Variants in CLIC5 observed in about 807,000 individuals in gnomAD.
The protein encoded by CLIC5 is CLIC family member 5.
CLIC5 carries 20 observed loss-of-function variants against 24.7 expected under a neutral mutation model. The ratio of observed to expected loss-of-function variants is 0.81; its 90% CI spans 0.57 to 1.18. CLIC5 has a LOEUF of 1.18. Among genes scored for constraint, CLIC5 ranks in the 50% most tolerant of loss-of-function variants. CLIC5 has a pLI of 0.00. For missense variants in CLIC5, 341 were observed against 326.1 expected (o/e 1.05, Z -0.35); for synonymous variants, 159 against 135.6 (o/e 1.17, Z -1.20).
upstream of CLIC5, among the ~76,000 whole-genome samples, chr6:46,084,567 A>C (rs1762990302): frequency 6.6e-6 from 1 of 152,176 alleles, no homozygotes; most frequent in Non-Finnish European, 1.5e-5. Context: ...TTCTGGGTTG[A>C]AAATTCTTTC....
rs373673759 is a variant in CLIC5 at position 45,926,179 on chromosome 6, A to G, written c.407-11770T>C. Among the ~76,000 whole-genome samples, 20 of 151,616 alleles carry G rather than the reference A, an allele frequency of 1.3e-4. No homozygotes were observed. In the East Asian group the frequency reaches 3.5e-3, roughly 26 times the overall value. On this transcript the variant is annotated intron_variant, in intron 4 of 5. Coordinates refer to ENST00000339561, the MANE Select transcript of CLIC5 (RefSeq NM_016929.5). ...TAGACACTAGCACAGAGAAACATAT[A>G]TACACACACACACATACACACACAC...
intron 1 of CLIC5, among the ~76,000 whole-genome samples, chr6:45,999,474 T>C (rs1766269252): frequency 1.3e-5 from 2 of 152,178 alleles, no homozygotes; most frequent in South Asian, 4.1e-4. Flanking sequence ...ATAAAATTTA[T>C]ATGTGTATCC....
At chr6:45,943,889 G>A (rs1390752324) in intron 3 of CLIC5, among the ~76,000 whole-genome samples, 2 of 152,118 alleles carry the variant, frequency 1.3e-5, no homozygotes, top group Non-Finnish European at 2.9e-5. Flanking sequence ...TGGGAAGTGC[G>A]TCTCTAAGAT....
chr6:45,931,862 T>C (rs1763749182), intron 4 of CLIC5, among the ~76,000 whole-genome samples: 2 of 152,204 alleles, frequency 1.3e-5, no homozygotes, highest in Non-Finnish European at 2.9e-5. Context: ...GGTTTTGCCA[T>C]TTGGCCAGGC....
rs115393538 is a variant in CLIC5 at position 45,889,626 on chromosome 6, G to A, written c.624-8438C>T. The stretch of plus-strand genomic sequence containing the variant: ...AAGTCTTAATTTAGATAGGGTGAAG[G>A]AAGTATGATGATCAGGGACAAGGAA... On this transcript the variant is annotated intron_variant, in intron 6 of 6. Coordinates refer to the CLIC5 transcript ENST00000644324. Among the ~76,000 whole-genome samples, 621 of 152,284 alleles carry A rather than the reference G, an allele frequency of 4.1e-3. 5 individuals carry two copies. The highest frequency in any genetic ancestry group is 0.014 in the African/African-American group (582 of 41,546).
chr6:45,951,448 G>A (rs1764465101), intron 2 of CLIC5, among the ~76,000 whole-genome samples: 2 of 152,212 alleles, frequency 1.3e-5, no homozygotes, highest in South Asian at 4.1e-4. Flanking sequence ...CTGACTACCT[G>A]CAGGAAGGCC....
Position 46,050,514 on chromosome 6 carries a change from C to A in CLIC5, c.540+29189G>T, listed in dbSNP as rs114908686. Among the ~76,000 whole-genome samples, 250 of 152,318 alleles carry A rather than the reference C, an allele frequency of 1.6e-3. 1 individual carries two copies. Among genetic ancestry groups the A allele is most frequent in the African/African-American group, 5.7e-3 (238 of 41,586 alleles). Reference sequence around the variant, plus strand: ...TGCTTGCTAGTTGCCAAGTTTGAATCATCCCATCTTAGGGCAGAGTTACTA... The same window carrying A: ...TGCTTGCTAGTTGCCAAGTTTGAATAATCCCATCTTAGGGCAGAGTTACTA... On this transcript the variant is annotated intron_variant, in intron 1 of 5. Transcript: ENST00000185206.
intron 1 of CLIC5, among the ~76,000 whole-genome samples, chr6:45,986,274 G>A (rs890126074): frequency 6.6e-6 from 1 of 152,158 alleles, no homozygotes; most frequent in African/African-American, 2.4e-5. Context: ...GGATTCTTTG[G>A]TGTAACAGGA....
At position 45,999,738 on chromosome 6, in the gene CLIC5, T is replaced by TAAATAACA. The variant is rs1561994394; in HGVS notation, c.63+15741_63+15742insTGTTATTT. Among the ~76,000 whole-genome samples, 17 of 57,392 alleles carry TAAATAACA rather than the reference T, an allele frequency of 3.0e-4. No homozygotes were observed. In the South Asian group the frequency reaches 3.6e-3, roughly 12 times the overall value. The allele number at this position is 57,392 out of a possible 152,430, so 37.7% of individuals were successfully genotyped here. ...CTATTTTCTCTTCCTTGTGGTTTTTTTTTTTTTTTTTTTTTTTTGAGACGG... is the reference window on the plus strand; with the variant it reads ...CTATTTTCTCTTCCTTGTGGTTTTTTAAATAACATTTTTTTTTTTTTTTTTTGAGACGG... On this transcript the variant is annotated intron_variant, in intron 1 of 5. Transcript: ENST00000339561.
At chr6:46,002,971 G>T (rs758989295) in intron 1 of CLIC5, among the ~76,000 whole-genome samples, 1 of 152,164 alleles carries the variant, frequency 6.6e-6, no homozygotes, top group Non-Finnish European at 1.5e-5. Context: ...AAGCTACAAG[G>T]GGCTGGGTAA....
At chr6:45,912,224 C>G (rs1038346478) in intron 5 of CLIC5, 35 of 987,586 alleles carry the variant, frequency 3.5e-5, no homozygotes, top group Non-Finnish European at 4.0e-5. Flanking sequence ...TGCCAGGTTT[C>G]TGGGATCTGA....
intron 1 of CLIC5, among the ~76,000 whole-genome samples, chr6:46,044,350 G>T (rs909647759): frequency 6.6e-6 from 1 of 152,090 alleles, no homozygotes; most frequent in South Asian, 2.1e-4. Context: ...ACCCAAAGAG[G>T]GTACATAAAG....
At chr6:46,084,671 G>C (rs1326314643), upstream of CLIC5, among the ~76,000 whole-genome samples, 1 of 152,156 alleles carries the variant, frequency 6.6e-6, no homozygotes, top group African/African-American at 2.4e-5. Flanking sequence ...TTCCCTTTGT[G>C]GGTAACCCGA....
chr6:46,043,250 G>T (rs1192168329), intron 1 of CLIC5, among the ~76,000 whole-genome samples: 3 of 152,064 alleles, frequency 2.0e-5, no homozygotes, highest in African/African-American at 7.2e-5. Context: ...TGTATACATT[G>T]GTTCATCTAC....
At chr6:46,036,556 T>C (rs1767667654) in intron 1 of CLIC5, among the ~76,000 whole-genome samples, 1 of 152,148 alleles carries the variant, frequency 6.6e-6, no homozygotes. Flanking sequence ...GTGTTCCGCC[T>C]GCCTCGGCCT....
chr6:45,943,416 G>T (rs1764195697), intron 3 of CLIC5, among the ~76,000 whole-genome samples: 1 of 152,224 alleles, frequency 6.6e-6, no homozygotes, highest in South Asian at 2.1e-4. Context: ...ACATTCATCT[G>T]CTGTGGCTGG....
At chr6:45,981,039 C>T (rs1247472570) in intron 1 of CLIC5, among the ~76,000 whole-genome samples, 9 of 151,598 alleles carry the variant, frequency 5.9e-5, no homozygotes, top group African/African-American at 2.2e-4. Flanking sequence ...GGTGTGATCT[C>T]GGCTCACTGC....
intron 1 of CLIC5, among the ~76,000 whole-genome samples, chr6:45,976,686 G>A (rs150332602): frequency 1.5e-3 from 234 of 152,186 alleles, no homozygotes; most frequent in African/African-American, 5.2e-3. Flanking sequence ...TTGGTTCATC[G>A]TACTACAGTT....
chr6:45,996,859 T>A (rs1401748982), intron 1 of CLIC5, among the ~76,000 whole-genome samples: 1 of 151,610 alleles, frequency 6.6e-6, no homozygotes, highest in Non-Finnish European at 1.5e-5. Context: ...AAACAACAGG[T>A]GCTGGAGAGG....
Sources: allele counts gnomAD v4.1 joint callset (sites outside exome capture counted in the v4.1 genomes callset), GRCh38; gene constraint gnomAD v4.1.1; transcripts MANE v1.5; gene names NCBI Gene and HGNC (gene_info 2026-07-23, HGNC 2026-07-21).